The following FHIP1A variants were observed in gnomAD, a reference collection of about 807,000 sequenced individuals.
FHIP1A encodes the protein FHF complex subunit HOOK-interacting protein 1A.
FHIP1A carries 61 observed loss-of-function variants against 88.6 expected under a neutral mutation model. The observed-to-expected ratio is 0.69, with a 90% confidence interval of 0.56 to 0.85. The LOEUF (loss-of-function observed/expected upper bound fraction) is 0.85, where lower values mean the gene tolerates loss of function less well. Ranked by LOEUF, FHIP1A falls within the 40% of genes least tolerant of loss-of-function variation. The pLI is 0.00. For synonymous variants in FHIP1A, 478 were observed against 496.0 expected, an observed-to-expected ratio of 0.96 and a Z score of 0.48; for missense variants, 1,154 against 1,273.5, an observed-to-expected ratio of 0.91 and a Z score of 1.43.
intron 7 of FHIP1A, among the ~76,000 whole-genome samples, chr4:151,591,142 G>C (rs1734410515): frequency 6.6e-6 from 1 of 151,510 alleles, no homozygotes; most frequent in Non-Finnish European, 1.5e-5. Context: ...GACGGAGCAG[G>C]CCAGGGAAGG....
intron 3 of FHIP1A, among the ~76,000 whole-genome samples, chr4:151,532,376 G>A (rs928620025): frequency 1.3e-5 from 2 of 152,156 alleles, no homozygotes; most frequent in Admixed American, 6.5e-5. Context: ...TTTTAAGCCA[G>A]TCCTCCAAAC....
chr4:151,574,193 T>C (rs1733699587), intron 4 of FHIP1A, among the ~76,000 whole-genome samples: 1 of 152,208 alleles, frequency 6.6e-6, no homozygotes, highest in Non-Finnish European at 1.5e-5. Context: ...CTCACATACA[T>C]TGGTTATAAC....
At chr4:151,427,539 ATTAGAC>A (rs1470288060) in intron 1 of FHIP1A, among the ~76,000 whole-genome samples, 1 of 152,178 alleles carries the variant, frequency 6.6e-6, no homozygotes, top group East Asian at 1.9e-4. Context: ...TCAGTATAAA[ATTAGAC>A]TTTTTGTGGT....
chr4:151,445,073 C>A (rs1728543145), intron 1 of FHIP1A, among the ~76,000 whole-genome samples: 1 of 152,306 alleles, frequency 6.6e-6, no homozygotes, highest in South Asian at 2.1e-4. Context: ...CCTACAACTT[C>A]TATCTGACTT....
intron 3 of FHIP1A, among the ~76,000 whole-genome samples, chr4:151,556,604 C>T (rs893619883): frequency 4.6e-5 from 7 of 152,060 alleles, no homozygotes; most frequent in African/African-American, 7.2e-5. Context: ...TGAAGCCCCT[C>T]CAGGGTAGTT....
At chr4:151,594,078 T>A (rs945191397) in intron 7 of FHIP1A, among the ~76,000 whole-genome samples, 1 of 152,028 alleles carries the variant, frequency 6.6e-6, no homozygotes, top group Admixed American at 6.5e-5. Flanking sequence ...GATTTGCATA[T>A]GTTGAACCAG....
At chr4:151,444,580 T>C (rs549122737) in intron 1 of FHIP1A, among the ~76,000 whole-genome samples, 3 of 152,278 alleles carry the variant, frequency 2.0e-5, no homozygotes, top group African/African-American at 7.2e-5. Context: ...TAGTCACTCA[T>C]TTGCTTTTTA....
chr4:151,603,136 C>T (rs557207429), intron 7 of FHIP1A, among the ~76,000 whole-genome samples: 2 of 152,130 alleles, frequency 1.3e-5, no homozygotes, highest in East Asian at 3.9e-4. Context: ...TATGGTGAAA[C>T]CTTGTTTCTA....
At position 151,495,869 on chromosome 4, in the gene FHIP1A, C is replaced by T. The variant is rs564600856; in HGVS notation, c.-123+13221C>T. Among the ~76,000 whole-genome samples, 4 of 152,112 alleles carry T rather than the reference C, an allele frequency of 2.6e-5. No homozygotes were observed. In the East Asian group the frequency reaches 5.8e-4, roughly 22 times the overall value. On this transcript the variant is annotated intron_variant, in intron 3 of 13. Transcript: ENST00000435205. Reference sequence around the variant, plus strand: ...AACTCTTGACCTCAGATGATCCTCCCGCATTGGCCACCCAAAGTGCTGAGA... The same window carrying T: ...AACTCTTGACCTCAGATGATCCTCCTGCATTGGCCACCCAAAGTGCTGAGA...
At chr4:151,543,571 G>A (rs4696268) in intron 3 of FHIP1A, among the ~76,000 whole-genome samples, 49,283 of 152,004 alleles carry the variant, frequency 0.32, 8,026 homozygotes, top group Non-Finnish European at 0.34. Context: ...CTGTGTTCCT[G>A]AACTTATTTG....
At chr4:151,513,151 CA>C (rs1419062786) in intron 3 of FHIP1A, among the ~76,000 whole-genome samples, 2 of 152,172 alleles carry the variant, frequency 1.3e-5, no homozygotes, top group Non-Finnish European at 2.9e-5. Context: ...CAATATTCAA[CA>C]TTCTTAAAGA....
chr4:151,547,862 C>T lies in FHIP1A; in HGVS notation c.-122-18276C>T, dbSNP rs199707159. ...CTGGGAGGTAGAGGTTGCAGTGAGC[C>T]GAAATTGCACCACTGCACTCCAGCC... On this transcript the variant is annotated intron_variant, in intron 3 of 13. Coordinates refer to ENST00000435205, the MANE Select transcript of FHIP1A (RefSeq NM_001109977.3). Among the ~76,000 whole-genome samples the T allele has an allele frequency of 1.1e-4, 16 of 151,456 alleles. No individual in the cohort carries two copies. In the East Asian group the frequency reaches 1.6e-3, roughly 15 times the overall value.
chr4:151,626,069 A>G (rs1735941237), intron 7 of FHIP1A, among the ~76,000 whole-genome samples: 1 of 152,208 alleles, frequency 6.6e-6, no homozygotes, highest in Non-Finnish European at 1.5e-5. Flanking sequence ...ATATATGTAT[A>G]TTTACTGAAT....
intron 1 of FHIP1A, among the ~76,000 whole-genome samples, chr4:151,431,231 CCTGA>C (rs911073801): frequency 1.3e-5 from 2 of 152,056 alleles, no homozygotes; most frequent in Non-Finnish European, 2.9e-5. Context: ...CTCAGTCAAT[CCTGA>C]CTGTGGTTGA....
intron 2 of FHIP1A, among the ~76,000 whole-genome samples, chr4:151,467,540 C>T (rs1729363879): frequency 6.6e-6 from 1 of 152,184 alleles, no homozygotes; most frequent in Non-Finnish European, 1.5e-5. Context: ...TTTACTCCAG[C>T]ACTGTTTACA....
chr4:151,411,499 G>A (rs1306852590), intron 1 of FHIP1A, among the ~76,000 whole-genome samples: 1 of 151,464 alleles, frequency 6.6e-6, no homozygotes, highest in Non-Finnish European at 1.5e-5. Flanking sequence ...ACAGGTTCAT[G>A]CCATCACACT....
chr4:151,619,337 G>A (rs557485611), intron 7 of FHIP1A, among the ~76,000 whole-genome samples: 1 of 152,142 alleles, frequency 6.6e-6, no homozygotes, highest in Non-Finnish European at 1.5e-5. Context: ...TAACAGAAAA[G>A]CTAATAGAGA....
chr4:151,647,158 A>C (rs1736829414), intron 10 of FHIP1A, among the ~76,000 whole-genome samples: 1 of 152,222 alleles, frequency 6.6e-6, no homozygotes, highest in East Asian at 1.9e-4. Context: ...ATTATTATAT[A>C]TCACTATAAA....
Position 151,550,913 on chromosome 4 carries a change from G to A in FHIP1A, c.-122-15225G>A, listed in dbSNP as rs57034552. Among the ~76,000 whole-genome samples the A allele has an allele frequency of 6.4e-3, 972 of 152,328 alleles. 15 individuals are homozygous for A. Among genetic ancestry groups the A allele is most frequent in the African/African-American group, 0.022 (896 of 41,570 alleles). Reference sequence around the variant, plus strand: ...AAGGCCTAGGCTGACCCTACAGGAAGCTCTGAAACTGGGTTGACTCCCTCA... The same window carrying A: ...AAGGCCTAGGCTGACCCTACAGGAAACTCTGAAACTGGGTTGACTCCCTCA... On this transcript the variant is annotated intron_variant, in intron 3 of 13. Coordinates refer to ENST00000435205, the MANE Select transcript of FHIP1A (RefSeq NM_001109977.3).
Sources: gnomAD v4.1 joint callset for allele counts (sites outside exome capture counted in the v4.1 genomes callset) on GRCh38, gnomAD v4.1.1 for gene constraint, MANE v1.5 for transcripts, NCBI Gene and HGNC (gene_info 2026-07-23, HGNC 2026-07-21) for gene names.